NCOA1: variants seen among roughly 807,000 people sequenced by gnomAD.
The protein encoded by NCOA1 is nuclear receptor coactivator 1.
A neutral mutation model predicts 150.9 loss-of-function variants in NCOA1; 35 were observed. The observed-to-expected ratio is 0.23, with a 90% confidence interval of 0.18 to 0.31. NCOA1 has a LOEUF of 0.31. Among genes scored for constraint, NCOA1 ranks in the 10% least tolerant of loss-of-function variants. The probability of loss-of-function intolerance (pLI) is 1.00; values close to 1 mark genes in which losing one functional copy is unlikely to be tolerated. For synonymous variants in NCOA1, 590 were observed against 630.0 expected, an observed-to-expected ratio of 0.94 and a Z score of 0.95; for missense variants, 1,491 against 1,749.3, an observed-to-expected ratio of 0.85 and a Z score of 2.63.
intron 1 of NCOA1, among the ~76,000 whole-genome samples, chr2:24,499,154 T>C (rs1484941343): frequency 1.3e-5 from 2 of 152,216 alleles, no homozygotes; most frequent in East Asian, 3.8e-4. Context: ...AATAATTCCC[T>C]ACTATTTTGA....
intron 3 of NCOA1, among the ~76,000 whole-genome samples, chr2:24,621,432 A>AGTTTTTTT (rs1669151922): frequency 2.6e-5 from 1 of 38,860 alleles, no homozygotes; most frequent in Non-Finnish European, 4.3e-5. Context: ...ATTCAGGCAG[A>AGTTTTTTT]TTTTTTTTTT....
intron 3 of NCOA1, among the ~76,000 whole-genome samples, chr2:24,616,478 T>C (rs993730566): frequency 2.0e-5 from 3 of 152,120 alleles, no homozygotes; most frequent in Non-Finnish European, 4.4e-5. Context: ...AATAAAGAAT[T>C]TCTTGGAAGG....
intron 14 of NCOA1, among the ~76,000 whole-genome samples, chr2:24,715,199 A>G (rs565851312): frequency 1.1e-4 from 17 of 152,176 alleles, no homozygotes; most frequent in Non-Finnish European, 2.4e-4. Context: ...ACTCTAACCT[A>G]CAGAAAATAA....
intron 19 of NCOA1, among the ~76,000 whole-genome samples, chr2:24,748,081 G>C (rs1664028630): frequency 6.6e-6 from 1 of 151,638 alleles, no homozygotes; most frequent in African/African-American, 2.4e-5. Context: ...ACTCCAGCCT[G>C]GGCAACAAGA....
chr2:24,740,533 T>C (rs1042558039), intron 18 of NCOA1, among the ~76,000 whole-genome samples: 2 of 152,120 alleles, frequency 1.3e-5, no homozygotes, highest in African/African-American at 2.4e-5. Context: ...TATAATCTTA[T>C]GGGACCACCG....
chr2:24,525,225 T>C (rs538895680), intron 1 of NCOA1, among the ~76,000 whole-genome samples: 26 of 152,372 alleles, frequency 1.7e-4, no homozygotes, highest in Admixed American at 9.8e-4. Flanking sequence ...ACTTACTTGC[T>C]CTGAACTCAT....
At chr2:24,551,558 T>G (rs1327332888) in intron 1 of NCOA1, among the ~76,000 whole-genome samples, 2 of 152,206 alleles carry the variant, frequency 1.3e-5, no homozygotes, top group Non-Finnish European at 2.9e-5. Context: ...AACGACCTAA[T>G]TCAGCCCACT....
chr2:24,525,479 C>T (rs1664614233), intron 1 of NCOA1, among the ~76,000 whole-genome samples: 1 of 151,882 alleles, frequency 6.6e-6, no homozygotes, highest in Admixed American at 6.6e-5. Context: ...TTTGATCTCA[C>T]TTCTACTTGA....
intron 21 of NCOA1, among the ~76,000 whole-genome samples, chr2:24,758,870 C>G (rs1664632885): frequency 6.6e-6 from 1 of 151,680 alleles, no homozygotes; most frequent in African/African-American, 2.4e-5. Context: ...CACCTGTAAT[C>G]CCAGCTCCTT....
chr2:24,492,997 C>A (rs1470257790), intron 1 of NCOA1, among the ~76,000 whole-genome samples: 1 of 147,882 alleles, frequency 6.8e-6, no homozygotes, highest in African/African-American at 2.5e-5. Context: ...ACAACAATAA[C>A]AACGAAAGTT....
chr2:24,497,400 G>A (rs1663269892), intron 1 of NCOA1, among the ~76,000 whole-genome samples: 1 of 152,044 alleles, frequency 6.6e-6, no homozygotes, highest in Admixed American at 6.6e-5. Flanking sequence ...CTTGTGGGCT[G>A]GGCGTGGTGG....
intron 19 of NCOA1, among the ~76,000 whole-genome samples, chr2:24,743,628 A>G (rs549114442): frequency 5.9e-5 from 9 of 152,222 alleles, no homozygotes; most frequent in Non-Finnish European, 1.0e-4. Context: ...CAATTTCTGT[A>G]TGCAGAGAAT....
intron 14 of NCOA1, among the ~76,000 whole-genome samples, chr2:24,714,173 A>G (rs1426438167): frequency 6.6e-6 from 1 of 152,222 alleles, no homozygotes; most frequent in Admixed American, 6.5e-5. Context: ...CTGCTTTGAC[A>G]TCTTAAAAAC....
chr2:24,582,194 A>G (rs1237185758), intron 2 of NCOA1, among the ~76,000 whole-genome samples: 1 of 152,230 alleles, frequency 6.6e-6, no homozygotes, highest in Non-Finnish European at 1.5e-5. Flanking sequence ...ACATGATCTT[A>G]TATATAGAAA....
At chr2:24,535,048 G>T (rs1468587645) in intron 1 of NCOA1, among the ~76,000 whole-genome samples, 1 of 152,114 alleles carries the variant, frequency 6.6e-6, no homozygotes, top group Non-Finnish European at 1.5e-5. Context: ...TGACAGTGGG[G>T]TGTTAAAGTC....
At chr2:24,578,834 A>G (rs1409113156) in intron 2 of NCOA1, among the ~76,000 whole-genome samples, 2 of 152,192 alleles carry the variant, frequency 1.3e-5, no homozygotes, top group African/African-American at 4.8e-5. Context: ...CATTCACAAT[A>G]CTATTACTTA....
intron 3 of NCOA1, among the ~76,000 whole-genome samples, chr2:24,595,206 C>T (rs1232084150): frequency 1.3e-5 from 2 of 151,938 alleles, no homozygotes; most frequent in African/African-American, 4.8e-5. Flanking sequence ...TTGCTATTGT[C>T]TGAAATTTAA....
At chr2:24,621,432 A>AGTTTTTT (rs1669151922) in intron 3 of NCOA1, among the ~76,000 whole-genome samples, 1 of 38,860 alleles carries the variant, frequency 2.6e-5, no homozygotes, top group African/African-American at 1.2e-4. Context: ...ATTCAGGCAG[A>AGTTTTTT]TTTTTTTTTT....
chr2:24,528,175 T>C (rs1664728474), intron 1 of NCOA1, among the ~76,000 whole-genome samples: 1 of 152,100 alleles, frequency 6.6e-6, no homozygotes, highest in South Asian at 2.1e-4. Context: ...TAGTTTGATA[T>C]ATTTGTTTTT....
Sources: gnomAD v4.1 joint callset for allele counts (sites outside exome capture counted in the v4.1 genomes callset) on GRCh38, gnomAD v4.1.1 for gene constraint, MANE v1.5 for transcripts, NCBI Gene and HGNC (gene_info 2026-07-23, HGNC 2026-07-21) for gene names.